CACNA2D1: variants seen among roughly 807,000 people sequenced by gnomAD.
CACNA2D1 encodes calcium voltage-gated channel auxiliary subunit alpha2delta 1.
CACNA2D1 carries 53 observed loss-of-function variants against 171.5 expected under a neutral mutation model. That is an observed-to-expected ratio of 0.31 (90% CI 0.25 to 0.39). CACNA2D1 has a LOEUF of 0.39. Ranked by LOEUF, CACNA2D1 falls within the 10% of genes least tolerant of loss-of-function variation. The pLI, the probability that CACNA2D1 is intolerant of heterozygous loss-of-function variation, is 1.00. For synonymous variants in CACNA2D1, 442 were observed against 443.1 expected (o/e 1.00, Z 0.03); for missense variants, 903 against 1,299.8 (o/e 0.69, Z 4.69).
intron 20 of CACNA2D1, among the ~76,000 whole-genome samples, chr7:81,992,609 A>G (rs923043277): frequency 5.3e-5 from 8 of 152,230 alleles, no homozygotes; most frequent in African/African-American, 1.7e-4. Flanking sequence ...ACAGTATCAG[A>G]AAACAGTATC....
At chr7:82,072,259 C>G (rs1344639922) in intron 7 of CACNA2D1, among the ~76,000 whole-genome samples, 7 of 151,952 alleles carry the variant, frequency 4.6e-5, no homozygotes, top group African/African-American at 1.7e-4. Flanking sequence ...ATGATGAACA[C>G]TTGAGGTGAT....
chr7:82,269,907 T>C (rs1279432293), intron 3 of CACNA2D1, among the ~76,000 whole-genome samples: 1 of 152,160 alleles, frequency 6.6e-6, no homozygotes, highest in African/African-American at 2.4e-5. Flanking sequence ...TTTACTGACA[T>C]ATTCACAAAA....
At position 82,111,388 on chromosome 7, in the gene CACNA2D1, ATATATGTATATATATATT is replaced by A. The variant is rs1788387610; in HGVS notation, c.526+5638_526+5655del. Among the ~76,000 whole-genome samples the A allele has an allele frequency of 2.3e-5, 3 of 132,186 alleles. 1 individual carries two copies. Among genetic ancestry groups the A allele is most frequent in the African/African-American group, 8.4e-5 (3 of 35,504 alleles). 86.7% of individuals were successfully genotyped at this position (132,186 alleles called of 152,430 possible). On this transcript the variant is annotated intron_variant, in intron 6 of 38. Transcript: ENST00000356860. ...TGTATATATATATTCATATATGTGT[ATATATGTATATATATATT>A]CATATATGTGTATATATGTGTGTAT...
At chr7:82,132,406 A>C (rs186763700) in intron 5 of CACNA2D1, among the ~76,000 whole-genome samples, 2 of 152,286 alleles carry the variant, frequency 1.3e-5, no homozygotes, top group Admixed American at 6.5e-5. Flanking sequence ...ACATGGGTCA[A>C]GGGTTGGGAG....
intron 12 of CACNA2D1, among the ~76,000 whole-genome samples, chr7:82,016,342 A>T (rs1242130434): frequency 2.6e-5 from 4 of 152,312 alleles, no homozygotes; most frequent in East Asian, 1.9e-4. Context: ...GATCTCTCTC[A>T]TAACTAACAT....
At chr7:81,991,486 T>C (rs1351061026) in intron 20 of CACNA2D1, among the ~76,000 whole-genome samples, 4 of 152,162 alleles carry the variant, frequency 2.6e-5, no homozygotes, top group Non-Finnish European at 4.4e-5. Flanking sequence ...CTTCAAAACA[T>C]TGAAAACAGT....
chr7:82,426,063 G>A (rs1267494668), intron 1 of CACNA2D1, among the ~76,000 whole-genome samples: 12 of 151,360 alleles, frequency 7.9e-5, no homozygotes, highest in Admixed American at 1.3e-4. Context: ...CCTGGGAGGC[G>A]GAGGCTGCAA....
intron 3 of CACNA2D1, among the ~76,000 whole-genome samples, chr7:82,331,392 T>C (rs559511789): frequency 9.2e-5 from 14 of 152,258 alleles, no homozygotes; most frequent in African/African-American, 2.9e-4. Context: ...ACAACTAAAA[T>C]AGAAGCAAAT....
At chr7:81,952,629 C>G (rs533475910) in intron 38 of CACNA2D1, among the ~76,000 whole-genome samples, 50 of 152,128 alleles carry the variant, frequency 3.3e-4, no homozygotes, top group African/African-American at 1.1e-3. Context: ...TTTCTTGAAA[C>G]TTGTTTGTGT....
At chr7:82,178,513 G>A (rs1177937759) in intron 3 of CACNA2D1, among the ~76,000 whole-genome samples, 1 of 151,982 alleles carries the variant, frequency 6.6e-6, no homozygotes, top group Non-Finnish European at 1.5e-5. Context: ...AACACACCTG[G>A]ACCCCATGAA....
chr7:82,341,968 G>A (rs1014723817), intron 2 of CACNA2D1, among the ~76,000 whole-genome samples: 3 of 148,632 alleles, frequency 2.0e-5, no homozygotes, highest in African/African-American at 7.5e-5. Flanking sequence ...GCAGGAGAAT[G>A]GCGTGAACCT....
In CACNA2D1 at chr7:82,107,321, G is replaced by C. The variant is rs184087142; in HGVS notation, c.526+9723C>G. 3.3e-5 allele frequency among the ~76,000 whole-genome samples: 5 copies of C among 152,210 alleles called. No homozygotes were observed. The East Asian group carries it at 9.7e-4, about 29-fold the overall frequency. ...GGGTCAAAGGAACCAGAAAAAAACA[G>C]AAATCCAAAACAAAGAGTCAGCATA... is the stretch of plus-strand genomic sequence containing the variant. On this transcript the variant is annotated intron_variant, in intron 6 of 38. Transcript: ENST00000356860.
chr7:82,217,673 C>T (rs1009802894), intron 3 of CACNA2D1, among the ~76,000 whole-genome samples: 1 of 149,334 alleles, frequency 6.7e-6, no homozygotes, highest in South Asian at 2.1e-4. Flanking sequence ...CAATCTTTAT[C>T]ATCATAATTG....
At chr7:82,429,103 C>G (rs1358077901) in intron 1 of CACNA2D1, among the ~76,000 whole-genome samples, 1 of 152,176 alleles carries the variant, frequency 6.6e-6, no homozygotes, top group African/African-American at 2.4e-5. Context: ...AATTTACAAT[C>G]TTTTCCATGG....
In CACNA2D1 at chr7:81,965,727, T is replaced by C. The variant is rs927411910; in HGVS notation, c.2503-62A>G. On this transcript the variant is annotated intron_variant, in intron 31 of 38. Transcript: ENST00000356860. ...AAAGGTTAGGAGGCTGCATTGTCTT[T>C]ACCCCATTATATACATGATTAGAGC... The C allele has an allele frequency of 9.8e-6, 9 of 919,778 alleles. 1 individual carries two copies. Among genetic ancestry groups the C allele is most frequent in the South Asian group, 2.6e-5 (2 of 77,398 alleles). 57.0% of individuals were successfully genotyped at this position (919,778 alleles called of 1,614,324 possible).
chr7:81,968,445 G>A (rs1020054028), intron 29 of CACNA2D1, among the ~76,000 whole-genome samples: 4 of 151,114 alleles, frequency 2.6e-5, no homozygotes, highest in African/African-American at 4.9e-5. Flanking sequence ...TTTAACAGAC[G>A]CCTACTAGAA....
intron 3 of CACNA2D1, among the ~76,000 whole-genome samples, chr7:82,224,046 T>C (rs1802075662): frequency 1.3e-5 from 2 of 152,128 alleles, no homozygotes; most frequent in South Asian, 2.1e-4. Context: ...TTCACTTTCA[T>C]TACTTTAGGC....
At chr7:82,417,259 T>C (rs550341968) in intron 1 of CACNA2D1, among the ~76,000 whole-genome samples, 15 of 152,276 alleles carry the variant, frequency 9.9e-5, no homozygotes, top group Non-Finnish European at 2.2e-4. Flanking sequence ...AGGGCACTAT[T>C]AACAATTAGG....
intron 12 of CACNA2D1, among the ~76,000 whole-genome samples, chr7:82,022,021 A>G (rs2131032126): frequency 6.6e-6 from 1 of 152,122 alleles, no homozygotes; most frequent in African/African-American, 2.4e-5. Flanking sequence ...ATCATATCAT[A>G]TACTCTGTGC....
Sources: gnomAD v4.1 joint callset for allele counts (sites outside exome capture counted in the v4.1 genomes callset) on GRCh38, gnomAD v4.1.1 for gene constraint, MANE v1.5 for transcripts, NCBI Gene and HGNC (gene_info 2026-07-23, HGNC 2026-07-21) for gene names.